Variants in SYTL5 observed in about 807,000 individuals in gnomAD.
The protein encoded by SYTL5 is synaptotagmin-like protein 5.
Under a neutral mutation model 55.9 loss-of-function variants are expected in SYTL5, and 34 were observed. The ratio of observed to expected loss-of-function variants is 0.61; its 90% CI spans 0.46 to 0.81. The LOEUF (loss-of-function observed/expected upper bound fraction) is 0.81. Ranked by LOEUF, SYTL5 falls within the 30% of genes least tolerant of loss-of-function variation. SYTL5 has a pLI of 0.00. For missense variants in SYTL5, 637 were observed against 546.7 expected, an observed-to-expected ratio of 1.17 and a Z score of -1.65; for synonymous variants, 221 against 188.7, an observed-to-expected ratio of 1.17 and a Z score of -1.40.
chrX:37,915,481 G>A, the SYTL5 span, among the ~76,000 whole-genome samples: 1 of 111,879 alleles, frequency 8.9e-6, no homozygotes, highest in Non-Finnish European at 1.9e-5. Flanking sequence ...AAAAGCAATT[G>A]TGTGGTATAG....
intron 8 of SYTL5, 71 bp downstream of exon 8, chrX:38,094,495 G>A: frequency 1.9e-6 from 2 of 1,030,486 alleles, no homozygotes; most frequent in South Asian, 5.2e-5. Flanking sequence ...TGCTATGTGT[G>A]GTATTAAGTG....
the SYTL5 span, among the ~76,000 whole-genome samples, chrX:37,975,083 TAGG>T: frequency 8.9e-6 from 1 of 112,412 alleles, no homozygotes; most frequent in African/African-American, 3.2e-5. Flanking sequence ...GTTAGACAGG[TAGG>T]AGAAGTAAGC....
intron 2 of SYTL5, among the ~76,000 whole-genome samples, chrX:38,034,763 A>G (rs1193433920): frequency 3.6e-5 from 4 of 112,102 alleles, no homozygotes; most frequent in Non-Finnish European, 7.5e-5. Flanking sequence ...CTAATTGGTC[A>G]CATCATTGTT....
chrX:37,919,098 C>T, the SYTL5 span, among the ~76,000 whole-genome samples: 1 of 111,147 alleles, frequency 9.0e-6, no homozygotes, highest in South Asian at 3.8e-4. Flanking sequence ...CCCTGAGTTT[C>T]TTCTATCTCT....
At chrX:38,068,197 G>A (rs1030548378) in intron 3 of SYTL5, among the ~76,000 whole-genome samples, 7 of 111,969 alleles carry the variant, frequency 6.3e-5, no homozygotes, top group Non-Finnish European at 1.3e-4. Context: ...CTAATCATCA[G>A]AGAAATGCAA....
chrX:38,110,631 A>C (rs991860353), intron 13 of SYTL5, 149 bp downstream of exon 13: 5 of 403,577 alleles, frequency 1.2e-5, no homozygotes, highest in African/African-American at 1.0e-4. Context: ...TAATATTATA[A>C]AAATGTTGTA....
At chrX:37,956,392 G>T in the SYTL5 span, among the ~76,000 whole-genome samples, 1 of 112,312 alleles carries the variant, frequency 8.9e-6, no homozygotes. Flanking sequence ...CAGATTTCTA[G>T]AACTTAATCA....
the SYTL5 span, among the ~76,000 whole-genome samples, chrX:37,919,467 C>T: frequency 6.3e-5 from 7 of 111,525 alleles, no homozygotes; most frequent in Non-Finnish European, 1.3e-4. Flanking sequence ...CTGTCTGCCC[C>T]ATATTCATAT....
intron 15 of SYTL5, among the ~76,000 whole-genome samples, chrX:38,125,030 T>C (rs1001717755): frequency 1.8e-5 from 2 of 111,765 alleles, no homozygotes; most frequent in Non-Finnish European, 1.9e-5. Context: ...CAAAAAGATT[T>C]GAAGCAAGGC....
intron 13 of SYTL5, 111 bp from the exon 14 acceptor site, chrX:38,120,247 A>G (rs1937555114): frequency 3.7e-6 from 2 of 535,683 alleles, no homozygotes; most frequent in Admixed American, 5.6e-5. Context: ...TTGAAATGAG[A>G]ATGGATTGTC....
At chrX:38,010,642 C>A (rs1374030346) in intron 1 of SYTL5, among the ~76,000 whole-genome samples, 15 of 111,493 alleles carry the variant, frequency 1.3e-4, no homozygotes, top group Non-Finnish European at 1.9e-5. Flanking sequence ...AGAAAGCTGA[C>A]TCAACTGTCC....
At chrX:38,046,077 G>A (rs1455875564) in intron 2 of SYTL5, among the ~76,000 whole-genome samples, 1 of 111,637 alleles carries the variant, frequency 9.0e-6, no homozygotes, top group Non-Finnish European at 1.9e-5. Context: ...GGAGGATACT[G>A]GTGTGTGGGA....
chrX:37,991,397 G>A, the SYTL5 span: 1 of 671,826 alleles, frequency 1.5e-6, no homozygotes, highest in Non-Finnish European at 2.2e-6. Flanking sequence ...TCCCCAGAGA[G>A]CTGAAGGCGG....
chrX:37,949,028 C>A, the SYTL5 span, among the ~76,000 whole-genome samples: 2 of 111,355 alleles, frequency 1.8e-5, no homozygotes, highest in South Asian at 3.7e-4. Flanking sequence ...ACATTGGAAT[C>A]TAAAAATCAT....
the SYTL5 span, among the ~76,000 whole-genome samples, chrX:37,977,735 CA>C: frequency 3.7e-5 from 4 of 108,462 alleles, no homozygotes; most frequent in Non-Finnish European, 5.7e-5. Context: ...CACACACACA[CA>C]CACACACACA....
the SYTL5 span, among the ~76,000 whole-genome samples, chrX:37,915,372 C>T: frequency 9.0e-5 from 10 of 111,618 alleles, no homozygotes; most frequent in Non-Finnish European, 1.7e-4. Context: ...TTGATGAAGT[C>T]GGTGACCTCC....
At chrX:38,015,493 A>G (rs1455216787) in intron 1 of SYTL5, among the ~76,000 whole-genome samples, 2 of 111,683 alleles carry the variant, frequency 1.8e-5, no homozygotes, top group Admixed American at 9.5e-5. Context: ...TAACATAGTA[A>G]TTGCCAAAGC....
At chrX:38,116,760 GC>G (rs1235162551) in intron 13 of SYTL5, among the ~76,000 whole-genome samples, 2 of 112,159 alleles carry the variant, frequency 1.8e-5, no homozygotes, top group Admixed American at 9.5e-5. Context: ...TCACAAATAT[GC>G]CTGGCCTAAA....
At chrX:37,955,234 C>T in the SYTL5 span, among the ~76,000 whole-genome samples, 1 of 111,613 alleles carries the variant, frequency 9.0e-6, no homozygotes, top group African/African-American at 3.3e-5. Context: ...TTTAACATTA[C>T]ATTTATATTC....
Sources: allele counts gnomAD v4.1 joint callset (sites outside exome capture counted in the v4.1 genomes callset), GRCh38; gene constraint gnomAD v4.1.1; transcripts MANE v1.5; gene names NCBI Gene and HGNC (gene_info 2026-07-23, HGNC 2026-07-21).